Variants in ZNF536 observed in about 807,000 individuals in gnomAD.
ZNF536 encodes the protein zinc finger protein 536.
Under a neutral mutation model 84.5 loss-of-function variants are expected in ZNF536, and 13 were observed. That is an observed-to-expected ratio of 0.15 (90% CI 0.10 to 0.24). The LOEUF is 0.24. Ranked by LOEUF, ZNF536 falls within the 10% of genes least tolerant of loss-of-function variation. The pLI is 1.00. For synonymous variants in ZNF536, 811 were observed against 742.5 expected, an observed-to-expected ratio of 1.09 and a Z score of -1.50; for missense variants, 1,536 against 1,747.5, an observed-to-expected ratio of 0.88 and a Z score of 2.16.
chr19:30,533,741 A>G (rs1019940233), intron 2 of ZNF536, among the ~76,000 whole-genome samples: 1 of 152,110 alleles, frequency 6.6e-6, no homozygotes, highest in Admixed American at 6.5e-5. Context: ...TCCTAGTGGG[A>G]TTTACCATGA....
At chr19:30,423,848 G>A (rs1357368473) in intron 1 of ZNF536, among the ~76,000 whole-genome samples, 1 of 152,102 alleles carries the variant, frequency 6.6e-6, no homozygotes, top group African/African-American at 2.4e-5. Context: ...GGGAGGTGGG[G>A]GCAGGTGGGA....
upstream of ZNF536, among the ~76,000 whole-genome samples, chr19:30,227,096 A>G (rs1161769589): frequency 6.6e-6 from 1 of 152,038 alleles, no homozygotes; most frequent in Non-Finnish European, 1.5e-5. Context: ...TAAAATATAG[A>G]TATCTCCATA....
At chr19:30,340,351 G>C (rs967036283) in intron 2 of ZNF536, among the ~76,000 whole-genome samples, 10 of 152,154 alleles carry the variant, frequency 6.6e-5, no homozygotes, top group Non-Finnish European at 1.2e-4. Context: ...TCAGTCAGTC[G>C]GGTCCCGGAG....
At chr19:30,458,164 C>T (rs1011386181) in intron 2 of ZNF536, among the ~76,000 whole-genome samples, 2 of 152,184 alleles carry the variant, frequency 1.3e-5, no homozygotes, top group East Asian at 1.9e-4. Flanking sequence ...CGGGGCCATG[C>T]GTTTAGTCAT....
intron 1 of ZNF536, among the ~76,000 whole-genome samples, chr19:30,430,511 T>C (rs2051408096): frequency 6.6e-6 from 1 of 152,118 alleles, no homozygotes; most frequent in African/African-American, 2.4e-5. Flanking sequence ...ACCGTGGAGA[T>C]AGACGGAAGG....
intron 2 of ZNF536, among the ~76,000 whole-genome samples, chr19:30,521,586 A>C (rs992454740): frequency 6.6e-6 from 1 of 152,178 alleles, no homozygotes; most frequent in Non-Finnish European, 1.5e-5. Flanking sequence ...AGGTCAGTTC[A>C]TTTATTAAAG....
chr19:30,608,307 A>G (rs1168629989), intron 1 of ZNF536, among the ~76,000 whole-genome samples: 3 of 152,172 alleles, frequency 2.0e-5, no homozygotes, highest in African/African-American at 7.2e-5. Flanking sequence ...TATTCACCTC[A>G]TCACAGGAAG....
At chr19:30,259,502 C>T (rs1386718270) in intron 1 of ZNF536, among the ~76,000 whole-genome samples, 2 of 152,184 alleles carry the variant, frequency 1.3e-5, no homozygotes, top group African/African-American at 4.8e-5. Flanking sequence ...GGGTTAGGCC[C>T]AGCAGTCCAT....
intron 1 of ZNF536, among the ~76,000 whole-genome samples, chr19:30,402,327 G>A (rs551908411): frequency 2.0e-5 from 3 of 150,522 alleles, no homozygotes; most frequent in Admixed American, 2.0e-4. Context: ...TATAGTGGAG[G>A]GGAAAAAAAA....
chr19:30,614,415 A>G (rs1411206706), intron 1 of ZNF536, among the ~76,000 whole-genome samples: 1 of 149,902 alleles, frequency 6.7e-6, no homozygotes, highest in Non-Finnish European at 1.5e-5. Context: ...TCTCTCTTTC[A>G]TAACTGGCCA....
chr19:30,295,799 A>G (rs2145861333), intron 2 of ZNF536, among the ~76,000 whole-genome samples: 1 of 152,344 alleles, frequency 6.6e-6, no homozygotes, highest in Non-Finnish European at 1.5e-5. Context: ...AATCATGGGA[A>G]TGGTGAATGT....
In ZNF536 at chr19:30,259,974, AGG is replaced by A. The variant is rs1383659735; in HGVS notation, c.-189-24097_-189-24096del. On this transcript the variant is annotated intron_variant, in intron 1 of 5. Transcript: ENST00000585628. ...GAGACGATGTTTCACCATCTTTGCC[AGG>A]CTGGTCTTGAACTCCTGACCTCAAG... 9.0e-5 allele frequency among the ~76,000 whole-genome samples: 13 copies of A among 144,338 alleles called. No individual in the cohort carries two copies. In the South Asian group the frequency reaches 2.8e-3, roughly 31 times the overall value. The allele number at this position is 144,338 out of a possible 152,430, so 94.7% of individuals were successfully genotyped here. A position where few individuals can be genotyped will look rare whatever the true frequency, so the allele number is the denominator to read the frequency against.
intron 2 of ZNF536, among the ~76,000 whole-genome samples, chr19:30,477,409 G>C (rs1357253655): frequency 6.6e-6 from 1 of 152,148 alleles, no homozygotes; most frequent in African/African-American, 2.4e-5. Flanking sequence ...GATGGACCCA[G>C]TGTGTTGAAT....
chr19:30,624,016 C>G (rs2048584449), intron 1 of ZNF536, among the ~76,000 whole-genome samples: 1 of 152,116 alleles, frequency 6.6e-6, no homozygotes, highest in Admixed American at 6.5e-5. Flanking sequence ...GTGGTCATGA[C>G]TGCTTTGTGT....
At chr19:30,668,285 GA>G (rs980767351) in intron 1 of ZNF536, among the ~76,000 whole-genome samples, 2 of 152,112 alleles carry the variant, frequency 1.3e-5, no homozygotes, top group African/African-American at 4.8e-5. Context: ...AGTTTGAGGG[GA>G]GGGGGTGTGA....
rs538389920 is a variant in ZNF536, at chr19:30,417,760, G to A, written c.-2-25801G>A. ...ATCACAAGGACATGTTTTGGGGGTCGGAATTTTTGTTTGTTTTTAGACAGG... is the reference window on the plus strand; with the variant it reads ...ATCACAAGGACATGTTTTGGGGGTCAGAATTTTTGTTTGTTTTTAGACAGG... On this transcript the variant is annotated intron_variant, in intron 1 of 4. Transcript: ENST00000355537. Among the ~76,000 whole-genome samples, 27 of 152,076 alleles carry A rather than the reference G, an allele frequency of 1.8e-4. No individual in the cohort carries two copies. In the South Asian group the frequency reaches 4.2e-3, roughly 23 times the overall value.
chr19:30,393,570 G>C (rs184193709), intron 1 of ZNF536, among the ~76,000 whole-genome samples: 1 of 152,156 alleles, frequency 6.6e-6, no homozygotes, highest in East Asian at 1.9e-4. Flanking sequence ...TGGAGCTCAC[G>C]GAGCCTCTGG....
chr19:30,307,864 C>T (rs1054371386), intron 2 of ZNF536, among the ~76,000 whole-genome samples: 2 of 152,176 alleles, frequency 1.3e-5, no homozygotes, highest in South Asian at 2.1e-4. Flanking sequence ...CAGAAAGCAG[C>T]GTAACTTGGC....
intron 1 of ZNF536, among the ~76,000 whole-genome samples, chr19:30,662,891 A>G (rs999327905): frequency 6.6e-6 from 1 of 151,966 alleles, no homozygotes; most frequent in East Asian, 1.9e-4. Flanking sequence ...GATGGAAATA[A>G]TAAGTCCTCC....
Sources: allele counts gnomAD v4.1 joint callset (sites outside exome capture counted in the v4.1 genomes callset), GRCh38; gene constraint gnomAD v4.1.1; transcripts MANE v1.5; gene names NCBI Gene and HGNC (gene_info 2026-07-23, HGNC 2026-07-21).